The following PRPSAP2 variants were observed in gnomAD, a reference collection of about 807,000 sequenced individuals.
The protein encoded by PRPSAP2 is phosphoribosyl pyrophosphate synthetase associated protein 2.
A neutral mutation model predicts 40.6 loss-of-function variants in PRPSAP2; 24 were observed. The observed-to-expected ratio is 0.59, with a 90% CI of 0.43 to 0.83. The LOEUF is 0.83. Among genes scored for constraint, PRPSAP2 ranks in the 40% least tolerant of loss-of-function variants. The pLI, the probability that PRPSAP2 is intolerant of heterozygous loss-of-function variation, is 0.00. For synonymous variants in PRPSAP2, 149 were observed against 164.7 expected, an observed-to-expected ratio of 0.90 and a Z score of 0.73; for missense variants, 292 against 465.6, an observed-to-expected ratio of 0.63 and a Z score of 3.43.
At chr17:18,892,678 C>T (rs2039622016) in intron 8 of PRPSAP2, among the ~76,000 whole-genome samples, 1 of 109,420 alleles carries the variant, frequency 9.1e-6, no homozygotes, top group African/African-American at 3.1e-5. Context: ...CCTTCTGCCT[C>T]AGCCTGTTGA....
chr17:18,924,012 C>A (rs777420130), intron 10 of PRPSAP2, 28 bp downstream of exon 10: 1 of 1,562,712 alleles, frequency 6.4e-7, no homozygotes, highest in African/African-American at 1.4e-5. Flanking sequence ...ATTATTAATT[C>A]TAGTATTTGC....
intron 8 of PRPSAP2, among the ~76,000 whole-genome samples, chr17:18,899,518 A>AG (rs2040131383): frequency 1.3e-5 from 1 of 74,788 alleles, no homozygotes; most frequent in African/African-American, 4.3e-5. Flanking sequence ...TATCCAACTG[A>AG]GTTTTTTTTT....
chr17:18,899,762 T>C (rs2040153579), intron 8 of PRPSAP2, among the ~76,000 whole-genome samples: 1 of 152,058 alleles, frequency 6.6e-6, no homozygotes, highest in South Asian at 2.1e-4. Flanking sequence ...CTTGAACTCC[T>C]GAGCTCAAGT....
chr17:18,880,733 T>G (rs1042334767), intron 6 of PRPSAP2, among the ~76,000 whole-genome samples: 2 of 151,596 alleles, frequency 1.3e-5, no homozygotes, highest in East Asian at 3.9e-4. Context: ...AGACTGGACT[T>G]TGCCATGCCT....
chr17:18,860,311 C>A (rs1171044030), intron 1 of PRPSAP2, among the ~76,000 whole-genome samples: 1 of 152,220 alleles, frequency 6.6e-6, no homozygotes, highest in Non-Finnish European at 1.5e-5. Flanking sequence ...CCACCTTGGC[C>A]TCCCAAAGTG....
intron 8 of PRPSAP2, among the ~76,000 whole-genome samples, chr17:18,907,865 G>A (rs945764974): frequency 6.6e-6 from 1 of 152,108 alleles, no homozygotes; most frequent in Non-Finnish European, 1.5e-5. Context: ...GGCCAGGCGC[G>A]GTGGCTCATG....
At chr17:18,885,482 CT>C (rs1214580698) in intron 7 of PRPSAP2, among the ~76,000 whole-genome samples, 1 of 134,504 alleles carries the variant, frequency 7.4e-6, no homozygotes, top group Non-Finnish European at 1.6e-5. Flanking sequence ...TTGCTTTTTT[CT>C]TTTTTTTGGA....
chr17:18,911,366 T>A lies in PRPSAP2; in HGVS notation c.733+115T>A. ...TTTTTTTTAGTTGGCAAAAACTCAT[T>A]AACACCTTTCTTGGCCAGATAGTAG... is the stretch of plus-strand genomic sequence containing the variant. On this transcript the variant is annotated intron_variant, in intron 9 of 11. Transcript: ENST00000268835. The surrounding 1 kb of genome is among the most constrained non-coding windows in gnomAD (Gnocchi z 4.5). 1.6e-6 allele frequency: 2 copies of A among 1,268,382 alleles called. No individual in the cohort carries two copies. The highest frequency in any genetic ancestry group is 1.1e-6 in the Non-Finnish European group (1 of 939,910). 78.6% of individuals were successfully genotyped at this position (1,268,382 alleles called of 1,614,324 possible).
In PRPSAP2 at chr17:18,892,662, A is replaced by G. The variant is rs140975748; in HGVS notation, c.584+2785A>G. On this transcript the variant is annotated intron_variant, in intron 8 of 11. Transcript: ENST00000268835. ...GGCTGGGCTCAAACTCTTGGGCTCA[A>G]TCAATCCTTCTGCCTCAGCCTGTTG... is the stretch of plus-strand genomic sequence containing the variant. Among the ~76,000 whole-genome samples the G allele has an allele frequency of 2.6e-4, 38 of 144,524 alleles. 1 individual carries two copies. In the East Asian group the frequency reaches 6.5e-3, roughly 25 times the overall value. 94.8% of individuals were successfully genotyped at this position (144,524 alleles called of 152,430 possible).
chr17:18,899,983 T>C (rs151063205), intron 8 of PRPSAP2, among the ~76,000 whole-genome samples: 189 of 152,312 alleles, frequency 1.2e-3, no homozygotes, highest in Middle Eastern at 0.01. Context: ...GCTCCCTGGG[T>C]TCAAGTGATC....
chr17:18,911,163 G>T lies in PRPSAP2; in HGVS notation c.645G>T (p.Gln215His). ...TTGCAGTGATTCATGGAGAGGCGCA[G>T]GATGCCGAGTCGGACTTGGTGGATG... ...LGIAVIHGEA[Q>H]DAESDLVDGR... The change falls in exon 9 of 12, where the codon CAG (glutamine) becomes CAT (histidine). Residue 215 changes from glutamine to histidine, a missense_variant. By Grantham distance (24) the Gln-to-His change is conservative. Transcript: ENST00000268835. This position sits in a 1 kb window ranked among gnomAD's most constrained non-coding sequence, Gnocchi z 4.5. The T allele has an allele frequency of 6.2e-7, 1 of 1,614,076 alleles. No homozygotes were observed. The highest frequency in any genetic ancestry group is 1.1e-5 in the South Asian group (1 of 91,076).
chr17:18,884,781 C>T (rs1311285534), intron 7 of PRPSAP2, among the ~76,000 whole-genome samples: 3 of 152,274 alleles, frequency 2.0e-5, no homozygotes, highest in African/African-American at 2.4e-5. Context: ...AGCAACCAGC[C>T]GCATGGAGAA....
At chr17:18,875,544 A>G (rs2038223762) in intron 5 of PRPSAP2, among the ~76,000 whole-genome samples, 1 of 151,492 alleles carries the variant, frequency 6.6e-6, no homozygotes, top group Non-Finnish European at 1.5e-5. Flanking sequence ...CAGCCTGGGT[A>G]AAAGAACAAG....
chr17:18,896,495 G>C (rs1391621412), intron 8 of PRPSAP2, among the ~76,000 whole-genome samples: 1 of 151,934 alleles, frequency 6.6e-6, no homozygotes, highest in Non-Finnish European at 1.5e-5. Context: ...GGGCTTTTCA[G>C]GTCCTTCCTG....
intron 4 of PRPSAP2, among the ~76,000 whole-genome samples, chr17:18,872,037 G>A (rs2037922616): frequency 6.6e-6 from 1 of 152,224 alleles, no homozygotes; most frequent in African/African-American, 2.4e-5. Context: ...TTGGGAGGCT[G>A]AGGCAGGCAG....
rs765064058 is a variant in PRPSAP2, at chr17:18,877,680, G to C, written c.240-18G>C. On this transcript the variant is annotated intron_variant, in intron 5 of 11. Coordinates refer to ENST00000268835, the MANE Select transcript of PRPSAP2 (RefSeq NM_002767.4). ...TGTTGTAGATCCCTTGATGAGATTT[G>C]CTGTGTCTTTGTTACAGGGACGTGA... The C allele has an allele frequency of 1.9e-6, 3 of 1,593,616 alleles. No individual in the cohort carries two copies. Among genetic ancestry groups the C allele is most frequent in the Non-Finnish European group, 1.7e-6 (2 of 1,171,404 alleles).
intron 8 of PRPSAP2, 37 bp downstream of exon 8, chr17:18,889,914 T>C (rs2039432743): frequency 6.3e-7 from 1 of 1,576,884 alleles, no homozygotes; most frequent in Non-Finnish European, 8.7e-7. Context: ...CTGGATCTAC[T>C]TCTAAGGATT....
intron 9 of PRPSAP2, among the ~76,000 whole-genome samples, chr17:18,919,212 A>C (rs1297315923): frequency 2.0e-5 from 3 of 152,150 alleles, no homozygotes; most frequent in Non-Finnish European, 2.9e-5. Flanking sequence ...CAAAAAGTTT[A>C]AAAATTAGCC....
intron 6 of PRPSAP2, among the ~76,000 whole-genome samples, 179 bp downstream of exon 6, chr17:18,878,049 T>C (rs192522730): frequency 1.2e-4 from 18 of 152,214 alleles, no homozygotes; most frequent in Admixed American, 3.3e-4. Context: ...CCCAAGTAGC[T>C]AGGACTATAG....
Sources: allele counts gnomAD v4.1 joint callset (sites outside exome capture counted in the v4.1 genomes callset), GRCh38; gene constraint gnomAD v4.1.1; non-coding constraint Gnocchi (gnomAD v3.1); transcripts MANE v1.5; gene names NCBI Gene and HGNC (gene_info 2026-07-23, HGNC 2026-07-21).